The following CCSER2 variants were observed in gnomAD, a reference collection of about 807,000 sequenced individuals.
The protein encoded by CCSER2 is coiled-coil serine rich protein 2, also known as serine-rich coiled-coil domain-containing protein 2.
In CCSER2, 46 loss-of-function variants were observed where a neutral mutation model predicts 92.3. That is an observed-to-expected ratio of 0.50 (90% confidence interval 0.39 to 0.64). The LOEUF (loss-of-function observed/expected upper bound fraction) is 0.64, where lower values mean the gene tolerates loss of function less well. Among genes scored for constraint, CCSER2 ranks in the 30% least tolerant of loss-of-function variants. CCSER2 has a pLI of 0.00. For missense variants in CCSER2, 1,244 were observed against 1,238.9 expected, an observed-to-expected ratio of 1.00 and a Z score of -0.06; for synonymous variants, 433 against 431.4, an observed-to-expected ratio of 1.00 and a Z score of -0.04.
At chr10:84,511,862 G>C (rs192059670) in intron 9 of CCSER2, among the ~76,000 whole-genome samples, 1 of 152,170 alleles carries the variant, frequency 6.6e-6, no homozygotes, top group African/African-American at 2.4e-5. Flanking sequence ...ATTCATTTTT[G>C]TGTTGATGTG....
rs1295489943 is a variant in CCSER2 at position 84,457,268 on chromosome 10, T to C, written c.2065-6665T>C. On this transcript the variant is annotated intron_variant, in intron 6 of 9. Transcript: ENST00000372088. ...ATTATATATTATATAAAATATATTA[T>C]ATATAATATATTATATATTATATAT... is the stretch of plus-strand genomic sequence containing the variant. 3.5e-4 allele frequency among the ~76,000 whole-genome samples: 3 copies of C among 8,512 alleles called. No individual in the cohort carries two copies. In the East Asian group the frequency reaches 0.016, roughly 45 times the overall value. The allele number at this position is 8,512 out of a possible 152,430, so 5.6% of individuals were successfully genotyped here.
intron 9 of CCSER2, among the ~76,000 whole-genome samples, chr10:84,484,035 G>A (rs376562501): frequency 2.7e-4 from 37 of 138,490 alleles, no homozygotes; most frequent in African/African-American, 8.1e-4. Flanking sequence ...TCGCTCTGTC[G>A]TGATCCTGGC....
chr10:84,345,757 G>A (rs2133039689), intron 1 of CCSER2, among the ~76,000 whole-genome samples: 1 of 152,108 alleles, frequency 6.6e-6, no homozygotes, highest in East Asian at 1.9e-4. Flanking sequence ...TAATTTTAAG[G>A]TGTGGTTGAG....
At chr10:84,418,172 A>G (rs1040250398) in intron 4 of CCSER2, among the ~76,000 whole-genome samples, 3 of 152,156 alleles carry the variant, frequency 2.0e-5, no homozygotes, top group Non-Finnish European at 2.9e-5. Flanking sequence ...TTTTGATTTT[A>G]GGAAGAAATG....
At chr10:84,425,088 T>C (rs1334315772) in intron 4 of CCSER2, 1 of 969,414 alleles carries the variant, frequency 1.0e-6, no homozygotes, top group East Asian at 1.1e-4. Context: ...GAGATTCTTT[T>C]CGTGTTTTTG....
chr10:84,440,675 A>C (rs1844476428), intron 6 of CCSER2, among the ~76,000 whole-genome samples: 1 of 152,076 alleles, frequency 6.6e-6, no homozygotes, highest in Non-Finnish European at 1.5e-5. Flanking sequence ...TTATTCTCTC[A>C]CTTTGCTGGA....
chr10:84,459,280 C>T (rs1350717417), intron 6 of CCSER2, among the ~76,000 whole-genome samples: 1 of 152,010 alleles, frequency 6.6e-6, no homozygotes, highest in Non-Finnish European at 1.5e-5. Flanking sequence ...ATTTCTAGTA[C>T]TTTTATTATA....
intron 3 of CCSER2, among the ~76,000 whole-genome samples, chr10:84,404,173 A>G (rs1470400365): frequency 2.0e-5 from 3 of 152,136 alleles, no homozygotes; most frequent in Non-Finnish European, 4.4e-5. Flanking sequence ...TTCTGATTTC[A>G]TTAAACTCCC....
chr10:84,378,212 T>C (rs1846442971), intron 3 of CCSER2, among the ~76,000 whole-genome samples: 1 of 152,086 alleles, frequency 6.6e-6, no homozygotes, highest in South Asian at 2.1e-4. Flanking sequence ...ATTTTTGTTG[T>C]GAATGAATAT....
chr10:84,368,405 AATAT>A lies in CCSER2; in HGVS notation c.-39-2598_-39-2595del, dbSNP rs143857381. ...TGCTGAAAAAAACCACATACACACA[AATAT>A]ATATATATATCTCTTAGTTGTTGGT... On this transcript the variant is annotated intron_variant, in intron 1 of 9. Transcript: ENST00000372088. 2.6e-5 allele frequency among the ~76,000 whole-genome samples: 4 copies of A among 151,410 alleles called. No homozygotes were observed. The South Asian group carries it at 8.3e-4, about 32-fold the overall frequency.
At chr10:84,415,993 A>G (rs1367688879) in intron 3 of CCSER2, among the ~76,000 whole-genome samples, 1 of 152,124 alleles carries the variant, frequency 6.6e-6, no homozygotes, top group African/African-American at 2.4e-5. Flanking sequence ...CCGGGGGTGG[A>G]ATATGCAAAA....
chr10:84,358,064 CCT>C, intron 1 of CCSER2, among the ~76,000 whole-genome samples: 1 of 152,156 alleles, frequency 6.6e-6, no homozygotes, highest in East Asian at 1.9e-4. Context: ...GAGTTGCTCA[CCT>C]CTGTTTTCCC....
At chr10:84,436,267 A>G (rs1400377933) in intron 5 of CCSER2, among the ~76,000 whole-genome samples, 1 of 133,722 alleles carries the variant, frequency 7.5e-6, no homozygotes, top group Admixed American at 8.6e-5. Context: ...CGGAGCTTGC[A>G]GTGAGCCGAG....
At chr10:84,448,935 A>G (rs1845095062) in intron 6 of CCSER2, among the ~76,000 whole-genome samples, 1 of 151,840 alleles carries the variant, frequency 6.6e-6, no homozygotes, top group Non-Finnish European at 1.5e-5. Flanking sequence ...TGCTGAGTAG[A>G]CTCCATTCTA....
chr10:84,435,403 A>T (rs751793586), intron 5 of CCSER2, among the ~76,000 whole-genome samples: 50 of 152,302 alleles, frequency 3.3e-4, no homozygotes, highest in Non-Finnish European at 6.2e-4. Flanking sequence ...CATATTCCAT[A>T]CCTGATTCTC....
rs888900453 is a variant in CCSER2, at chr10:84,510,204, T to G, written c.2326-3245T>G. Among the ~76,000 whole-genome samples, 3 of 152,190 alleles carry G rather than the reference T, an allele frequency of 2.0e-5. No homozygotes were observed. The East Asian group carries it at 5.8e-4, about 29-fold the overall frequency. On this transcript the variant is annotated intron_variant, in intron 9 of 9. Coordinates refer to ENST00000372088, the MANE Select transcript of CCSER2 (RefSeq NM_001284240.2). ...TGACCAGAACATGGCATGTTCTTTT[T>G]TTGCCTCTGTGTTTGGCATGTACTA...
chr10:84,471,932 T>G (rs1846828565), intron 8 of CCSER2, among the ~76,000 whole-genome samples: 2 of 152,146 alleles, frequency 1.3e-5, no homozygotes, highest in South Asian at 4.1e-4. Context: ...CTGAATTTTT[T>G]ATCTTCTACA....
intron 3 of CCSER2, among the ~76,000 whole-genome samples, chr10:84,385,256 C>T (rs565298518): frequency 5.3e-5 from 8 of 152,162 alleles, no homozygotes; most frequent in East Asian, 3.9e-4. Flanking sequence ...AAAAAACAAT[C>T]CTAAAATTCA....
intron 1 of CCSER2, among the ~76,000 whole-genome samples, chr10:84,368,686 T>C (rs1845910664): frequency 6.6e-6 from 1 of 152,214 alleles, no homozygotes; most frequent in Admixed American, 6.5e-5. Flanking sequence ...AATTACCTTT[T>C]ATTTCACTGG....
Sources: allele counts gnomAD v4.1 joint callset (sites outside exome capture counted in the v4.1 genomes callset), GRCh38; gene constraint gnomAD v4.1.1; transcripts MANE v1.5; gene names NCBI Gene and HGNC (gene_info 2026-07-23, HGNC 2026-07-21).